NRG1: variants seen among roughly 807,000 people sequenced by gnomAD.
NRG1 encodes neuregulin 1.
In NRG1, 18 loss-of-function variants were observed where a neutral mutation model predicts 63.8. That is an observed-to-expected ratio of 0.28 (90% confidence interval 0.19 to 0.42). NRG1 has a LOEUF of 0.42. NRG1 is among the 10% of genes least tolerant of loss of function. The probability of loss-of-function intolerance (pLI) is 1.00; values close to 1 mark genes in which losing one functional copy is unlikely to be tolerated. For synonymous variants in NRG1, 302 were observed against 301.3 expected (o/e 1.00, Z -0.02); for missense variants, 762 against 814.7 (o/e 0.94, Z 0.79).
At chr8:31,935,910 T>C (rs1835263426) in intron 1 of NRG1, among the ~76,000 whole-genome samples, 1 of 152,198 alleles carries the variant, frequency 6.6e-6, no homozygotes, top group Non-Finnish European at 1.5e-5. Context: ...CTTAGCTCCT[T>C]GAAGGCTTCC....
intron 1 of NRG1, among the ~76,000 whole-genome samples, chr8:32,160,061 C>T (rs892920809): frequency 6.6e-6 from 1 of 152,102 alleles, no homozygotes; most frequent in African/African-American, 2.4e-5. Context: ...TGCAAGGCAC[C>T]TTGTGAAAGC....
intron 5 of NRG1, among the ~76,000 whole-genome samples, chr8:32,649,159 C>CTTTTT (rs35558760): frequency 3.2e-5 from 4 of 123,362 alleles, no homozygotes; most frequent in Admixed American, 8.2e-5. Context: ...TGAGGTACAT[C>CTTTTT]TTTTTTTTTT....
chr8:31,940,835 C>T (rs552420047), intron 1 of NRG1, among the ~76,000 whole-genome samples: 9 of 152,154 alleles, frequency 5.9e-5, no homozygotes, highest in African/African-American at 2.2e-4. Flanking sequence ...TACAACCCTC[C>T]TAGGTTAAAC....
At chr8:32,631,713 A>G (rs1338236673) in intron 5 of NRG1, among the ~76,000 whole-genome samples, 1 of 152,222 alleles carries the variant, frequency 6.6e-6, no homozygotes, top group Non-Finnish European at 1.5e-5. Context: ...AGATATAAAT[A>G]AGATATAGAA....
chr8:32,362,169 T>A (rs1807305759), intron 1 of NRG1, among the ~76,000 whole-genome samples: 1 of 152,228 alleles, frequency 6.6e-6, no homozygotes, highest in Admixed American at 6.5e-5. Flanking sequence ...AACTCCCTTG[T>A]ACATTGCAGC....
intron 1 of NRG1, among the ~76,000 whole-genome samples, chr8:32,200,395 T>C (rs1447201386): frequency 1.3e-5 from 2 of 152,326 alleles, no homozygotes; most frequent in East Asian, 3.9e-4. Context: ...AGAGGTCATA[T>C]CTTCTCTTTA....
rs534732027 is a variant in NRG1, at chr8:31,756,761, T to C, written c.37+117330T>C. Among the ~76,000 whole-genome samples, 20 of 152,314 alleles carry C rather than the reference T, an allele frequency of 1.3e-4. No individual in the cohort carries two copies. In the South Asian group the frequency reaches 4.1e-3, roughly 32 times the overall value. On this transcript the variant is annotated intron_variant, in intron 1 of 10. Coordinates refer to the NRG1 transcript ENST00000519301. ...AAAAACATGTTACCTGTTTGACTGG[T>C]GCCCATATATAGTTAAGAGTTTCTG...
chr8:32,494,148 A>T (rs1826925510), intron 1 of NRG1, among the ~76,000 whole-genome samples: 1 of 152,204 alleles, frequency 6.6e-6, no homozygotes, highest in Non-Finnish European at 1.5e-5. Flanking sequence ...AGATGAACAG[A>T]AGTGTTCCTT....
At chr8:31,717,212 G>A (rs1408665449) in intron 1 of NRG1, among the ~76,000 whole-genome samples, 3 of 151,982 alleles carry the variant, frequency 2.0e-5, no homozygotes, top group Non-Finnish European at 2.9e-5. Flanking sequence ...TTTGAGACAA[G>A]CCTGGCCAAT....
chr8:32,690,135 A>G (rs1811190891), intron 5 of NRG1, among the ~76,000 whole-genome samples: 1 of 152,212 alleles, frequency 6.6e-6, no homozygotes, highest in South Asian at 2.1e-4. Context: ...CAGCTACTCC[A>G]TGCTGATTTA....
chr8:31,971,282 A>T (rs1237883300), intron 1 of NRG1, among the ~76,000 whole-genome samples: 1 of 152,176 alleles, frequency 6.6e-6, no homozygotes, highest in Non-Finnish European at 1.5e-5. Context: ...ATTTTGATGA[A>T]GTCTGACTTA....
intron 1 of NRG1, among the ~76,000 whole-genome samples, chr8:31,739,238 A>G (rs1815017010): frequency 6.6e-6 from 1 of 152,056 alleles, no homozygotes; most frequent in Non-Finnish European, 1.5e-5. Context: ...TCACGCGGCA[A>G]ACCAATTATG....
chr8:31,662,559 A>C (rs1806098694), intron 1 of NRG1, among the ~76,000 whole-genome samples: 1 of 152,160 alleles, frequency 6.6e-6, no homozygotes, highest in South Asian at 2.1e-4. Flanking sequence ...TTGGTCTGCA[A>C]ATGTCTGAGT....
rs780496777 is a variant in NRG1 at position 31,934,420 on chromosome 8, C to CTCTTTTTTTTTTTTTTTTTTTTT, written c.37+294990_37+294991insCTTTTTTTTTTTTTTTTTTTTTT. ...ATACACACACCCCTTTATTCGCTCT[C>CTCTTTTTTTTTTTTTTTTTTTTT]TTTTTTTTTTTTTTTTTTTTTTTAG... On this transcript the variant is annotated intron_variant, in intron 1 of 10. Transcript: ENST00000519301. 1.9e-5 allele frequency among the ~76,000 whole-genome samples: 2 copies of CTCTTTTTTTTTTTTTTTTTTTTT among 108,062 alleles called. 1 individual carries two copies. 70.9% of individuals were successfully genotyped at this position (108,062 alleles called of 152,430 possible).
At chr8:32,240,992 T>C (rs1848045102) in intron 1 of NRG1, among the ~76,000 whole-genome samples, 1 of 152,038 alleles carries the variant, frequency 6.6e-6, no homozygotes. Flanking sequence ...AAAAAAGCAA[T>C]ACAAGCCAGC....
In NRG1 at chr8:32,407,256, G is replaced by A. The variant is rs550139418; in HGVS notation, c.38-188572G>A. On this transcript the variant is annotated intron_variant, in intron 1 of 10. Transcript: ENST00000519301. ...ATTTGGTAGAAGACTATATATATAT[G>A]TGTGTGTGTATATATATATTATATA... 5.5e-3 allele frequency among the ~76,000 whole-genome samples: 662 copies of A among 120,304 alleles called. 4 individuals are homozygous for A. The highest frequency in any genetic ancestry group is 0.019 in the African/African-American group (594 of 31,818). 78.9% of individuals were successfully genotyped at this position (120,304 alleles called of 152,430 possible).
intron 1 of NRG1, among the ~76,000 whole-genome samples, chr8:31,907,757 C>T (rs1469649434): frequency 2.0e-5 from 3 of 152,092 alleles, no homozygotes; most frequent in Non-Finnish European, 2.9e-5. Flanking sequence ...ACTCAATCCC[C>T]CTTTAGTTGC....
At position 32,595,761 on chromosome 8, in the gene NRG1, T is replaced by A. The variant is rs1297947477; in HGVS notation, c.101-67T>A. On this transcript the variant is annotated intron_variant, in intron 1 of 11. Coordinates refer to ENST00000356819, the Ensembl canonical transcript of NRG1. ...TGCCTTGATCAGGCTAACTCCAGAT[T>A]AAATGTTTCTCTTTGAAAGATTGCC... 5 of 1,464,670 alleles carry A rather than the reference T, an allele frequency of 3.4e-6. No homozygotes were observed. In the African/African-American group the frequency reaches 5.6e-5, roughly 16 times the overall value. 90.7% of individuals were successfully genotyped at this position (1,464,670 alleles called of 1,614,324 possible).
In NRG1 at chr8:32,144,879, GATGT is replaced by G. The variant is rs1836697944; in HGVS notation, c.38-450940_38-450937del. Among the ~76,000 whole-genome samples, 3 of 152,236 alleles carry G rather than the reference GATGT, an allele frequency of 2.0e-5. No individual in the cohort carries two copies. The South Asian group carries it at 6.2e-4, about 32-fold the overall frequency. On this transcript the variant is annotated intron_variant, in intron 1 of 10. Coordinates refer to the NRG1 transcript ENST00000519301. ...GTTTCTAAGTTTATTGCTGGGTTTTGATGTATGTATGTGTGTGTTAATTTTTTAA... is the reference window on the plus strand; with the variant it reads ...GTTTCTAAGTTTATTGCTGGGTTTTGATGTATGTGTGTGTTAATTTTTTAA...
Sources: allele counts gnomAD v4.1 joint callset (sites outside exome capture counted in the v4.1 genomes callset), GRCh38; gene constraint gnomAD v4.1.1; transcripts MANE v1.5; gene names NCBI Gene and HGNC (gene_info 2026-07-23, HGNC 2026-07-21).